Variants in MYT1 observed in about 807,000 individuals in gnomAD.
The protein encoded by MYT1 is myelin transcription factor 1.
In MYT1, 23 loss-of-function variants were observed where a neutral mutation model predicts 123.0. The observed-to-expected ratio is 0.19, with a 90% confidence interval of 0.13 to 0.26. The LOEUF (loss-of-function observed/expected upper bound fraction) is 0.26. MYT1 is among the 10% of genes least tolerant of loss of function. MYT1 has a pLI of 1.00. For synonymous variants in MYT1, 518 were observed against 575.3 expected, an observed-to-expected ratio of 0.90 and a Z score of 1.43; for missense variants, 1,125 against 1,472.5, an observed-to-expected ratio of 0.76 and a Z score of 3.86.
Position 64,205,585 on chromosome 20 carries a change from A to G in MYT1, c.182A>G (p.Lys61Arg). The change falls in exon 6 of 23, where the codon AAG (lysine) becomes AGG (arginine). Residue 61 changes from lysine to arginine, a missense_variant. Coordinates refer to ENST00000328439, the MANE Select transcript of MYT1 (RefSeq NM_004535.3). ...AGCTGCCCCCTGGCCAAGAAGAGGA[A>G]GCTGGAGGGCGCTGAGGCTGAGCAC... ...LQSCPLAKKRKLEGAEAEHLV... is the reference protein window; with the variant it reads ...LQSCPLAKKRRLEGAEAEHLV... 6.2e-7 allele frequency: 1 copy of G among 1,614,072 alleles called. No individual in the cohort carries two copies. The highest frequency in any genetic ancestry group is 8.5e-7 in the Non-Finnish European group (1 of 1,180,014).
rs367937807 is a variant in MYT1, at chr20:64,240,484, A to G, written c.*36A>G. The G allele has an allele frequency of 8.7e-6, 14 of 1,600,740 alleles. No individual in the cohort carries two copies. The African/African-American group carries it at 1.3e-4, about 15-fold the overall frequency. The stretch of plus-strand genomic sequence containing the variant: ...ACCCAGAAGTGTCCCAGCCCACCAC[A>G]CCGTTTACCTCCCTCGCCCTGCCCC... On this transcript the variant is annotated 3_prime_UTR_variant, in exon 23 of 23. Transcript: ENST00000328439.
rs1246829468 is a variant in MYT1, at chr20:64,168,083, C to T, written c.-99+3344C>T. On this transcript the variant is annotated intron_variant, in intron 1 of 22. Coordinates refer to ENST00000328439, the MANE Select transcript of MYT1 (RefSeq NM_004535.3). This position sits in a 1 kb window ranked among gnomAD's most constrained non-coding sequence, Gnocchi z 6.1. Reference sequence around the variant, plus strand: ...GCCTGGGGGGTGGAATGTGCTTTCACGGCCTCTTGAGGTTCCCGGCATTTT... The same window carrying T: ...GCCTGGGGGGTGGAATGTGCTTTCATGGCCTCTTGAGGTTCCCGGCATTTT... Among the ~76,000 whole-genome samples, 2 of 152,226 alleles carry T rather than the reference C, an allele frequency of 1.3e-5. No homozygotes were observed. The highest frequency in any genetic ancestry group is 2.9e-5 in the Non-Finnish European group (2 of 68,048).
At chr20:64,201,647 A>G (rs930280899) in intron 4 of MYT1, among the ~76,000 whole-genome samples, 6 of 152,324 alleles carry the variant, frequency 3.9e-5, no homozygotes, top group Admixed American at 3.9e-4. Context: ...TCGTGGGAGC[A>G]TTTACACCAC....
chr20:64,177,023 T>C (rs902923749), intron 1 of MYT1, among the ~76,000 whole-genome samples: 4 of 152,242 alleles, frequency 2.6e-5, no homozygotes, highest in Non-Finnish European at 4.4e-5. Context: ...ACATGCTATT[T>C]GCATTTTTAA....
intron 13 of MYT1, among the ~76,000 whole-genome samples, chr20:64,221,094 G>C (rs181737717): frequency 1.3e-5 from 2 of 152,302 alleles, no homozygotes; most frequent in Admixed American, 6.5e-5. Flanking sequence ...TGGGCTTCAC[G>C]GGCATTTCCT....
intron 1 of MYT1, among the ~76,000 whole-genome samples, chr20:64,183,961 C>G (rs538881718): frequency 6.6e-6 from 1 of 152,096 alleles, no homozygotes; most frequent in African/African-American, 2.4e-5. Flanking sequence ...GCTGGGATTA[C>G]AGACACGCAC....
chr20:64,240,431 A>T lies in MYT1; in HGVS notation c.3349A>T (p.Arg1117Trp). 2 of 1,613,276 alleles carry T rather than the reference A, an allele frequency of 1.2e-6. No individual in the cohort carries two copies. Among genetic ancestry groups the T allele is most frequent in the South Asian group, 1.1e-5 (1 of 91,056 alleles). Reference sequence around the variant, plus strand: ...CCTGGAGAGCATCAAGCAGGCTGTGAGGGGCATCCAGGTCTAGGCCGTGTG... The same window carrying T: ...CCTGGAGAGCATCAAGCAGGCTGTGTGGGGCATCCAGGTCTAGGCCGTGTG... The part of the protein sequence containing the change: ...DLLESIKQAV[R>W]GIQV Residue 1117 changes from arginine (R) to tryptophan (W), a missense_variant, in exon 23 of 23, where the codon AGG becomes TGG. Arg to Trp is a moderately radical substitution (Grantham distance 101). Around this residue, in one of 4 missense-constraint regions of MYT1, gnomAD observed 243 missense variants for 323.1 expected, o/e 0.75. Coordinates refer to ENST00000328439, the MANE Select transcript of MYT1 (RefSeq NM_004535.3).
In MYT1 at chr20:64,198,923, G is replaced by A; in HGVS notation, c.55+7G>A. 1.2e-6 allele frequency: 2 copies of A among 1,613,892 alleles called. No individual in the cohort carries two copies. The highest frequency in any genetic ancestry group is 1.7e-6 in the Non-Finnish European group (2 of 1,179,792). Reference sequence around the variant, plus strand: ...CGATCCAAGGCCCTGCGAGGTGAGTGCCGCCCTCCCCTCCTCCAGGGCTGT... The same window carrying A: ...CGATCCAAGGCCCTGCGAGGTGAGTACCGCCCTCCCCTCCTCCAGGGCTGT... On this transcript the variant is annotated splice_region_variant and intron_variant, in intron 3 of 22. Coordinates refer to ENST00000328439, the MANE Select transcript of MYT1 (RefSeq NM_004535.3).
At position 64,212,248 on chromosome 20, in the gene MYT1, T is replaced by TG. The variant is rs1240643162; in HGVS notation, c.1517+115dup. ...GTGGGGGCCGTGGTGGGGGCCAGGG[T>TG]GGGGGCCGTGGTGGGGGGCTCCACG... On this transcript the variant is annotated intron_variant, in intron 9 of 22. Coordinates refer to ENST00000328439, the MANE Select transcript of MYT1 (RefSeq NM_004535.3). The surrounding 1 kb of genome is among the most constrained non-coding windows in gnomAD (Gnocchi z 6.8). 1.8e-4 allele frequency: 3 copies of TG among 16,382 alleles called. 1 individual carries two copies. The highest frequency in any genetic ancestry group is 8.7e-4 in the South Asian group (1 of 1,154). The allele number at this position is 16,382 out of a possible 1,614,324, so 1.0% of individuals were successfully genotyped here. A position where few individuals can be genotyped will look rare whatever the true frequency, so the allele number is the denominator to read the frequency against.
chr20:64,227,852 G>A, intron 17 of MYT1, 36 bp from the exon 18 acceptor site: 1 of 1,588,702 alleles, frequency 6.3e-7, no homozygotes, highest in Non-Finnish European at 8.6e-7. Context: ...TGCGGTTCCA[G>A]CACTAAGGTG....
intron 1 of MYT1, among the ~76,000 whole-genome samples, chr20:64,170,045 G>A (rs1982203307): frequency 6.6e-6 from 1 of 150,418 alleles, no homozygotes; most frequent in Admixed American, 6.6e-5. Flanking sequence ...CACTGCCCTC[G>A]TGTCTCTTCC....
intron 2 of MYT1, among the ~76,000 whole-genome samples, chr20:64,195,281 T>A (rs1983077249): frequency 6.6e-6 from 1 of 151,874 alleles, no homozygotes; most frequent in African/African-American, 2.4e-5. Flanking sequence ...CTCAGGGCAC[T>A]CTGTTTTGGC....
Position 64,202,016 on chromosome 20 carries a change from CT to C in MYT1, c.86+2095del, listed in dbSNP as rs11086138. 0.016 allele frequency among the ~76,000 whole-genome samples: 859 copies of C among 54,144 alleles called. 13 individuals are homozygous for C. The highest frequency in any genetic ancestry group is 0.034 in the South Asian group (56 of 1,644). 35.5% of individuals were successfully genotyped at this position (54,144 alleles called of 152,430 possible). On this transcript the variant is annotated intron_variant, in intron 4 of 22. Coordinates refer to ENST00000328439, the MANE Select transcript of MYT1 (RefSeq NM_004535.3). This position sits in a 1 kb window ranked among gnomAD's most constrained non-coding sequence, Gnocchi z 5.0. ...GGGAACCCCCGCGTGTCGGGAACCC[CT>C]CGCGTGTCGGGAACCCCCGCGTGTC...
intron 1 of MYT1, among the ~76,000 whole-genome samples, chr20:64,176,223 G>T (rs6011318): frequency 0.017 from 24 of 1,398 alleles, 2 homozygotes; most frequent in African/African-American, 0.051. Context: ...CCTCCCTGGC[G>T]TCTCCTCCTG....
chr20:64,196,718 T>G lies in MYT1; in HGVS notation c.1-2144T>G, dbSNP rs1983133545. Among the ~76,000 whole-genome samples the G allele has an allele frequency of 6.6e-6, 1 of 151,900 alleles. No individual in the cohort carries two copies. The highest frequency in any genetic ancestry group is 2.4e-5 in the African/African-American group (1 of 41,160). ...CTCAGCAGAAGGAGCGGCAGAGCTG[T>G]CAGCTTCATCAACGGGAGCTCACAG... On this transcript the variant is annotated intron_variant, in intron 2 of 22. Transcript: ENST00000328439. The surrounding 1 kb of genome is among the most constrained non-coding windows in gnomAD (Gnocchi z 4.3).
intron 1 of MYT1, among the ~76,000 whole-genome samples, chr20:64,181,113 G>T (rs1201936254): frequency 6.6e-6 from 1 of 152,086 alleles, no homozygotes; most frequent in Non-Finnish European, 1.5e-5. Context: ...TATCGGTTTT[G>T]TTTGTGACTT....
intron 10 of MYT1, among the ~76,000 whole-genome samples, chr20:64,216,363 C>T (rs539163642): frequency 3.7e-4 from 57 of 152,362 alleles, no homozygotes; most frequent in African/African-American, 1.3e-3. Context: ...CCAGTTTCTT[C>T]GTGCCATCTT....
chr20:64,209,514 C>T (rs912238), intron 7 of MYT1, among the ~76,000 whole-genome samples: 24,745 of 152,192 alleles, frequency 0.16, 2,942 homozygotes, highest in African/African-American at 0.33. Context: ...TCCAGGTGGA[C>T]GGGGGCAGTG....
Position 64,240,847 on chromosome 20 carries a change from G to A in MYT1, c.*399G>A. 5.5e-6 allele frequency: 1 copy of A among 183,256 alleles called. No individual in the cohort carries two copies. The highest frequency in any genetic ancestry group is 1.4e-4 in the South Asian group (1 of 7,140). The allele number at this position is 183,256 out of a possible 1,614,324, so 11.4% of individuals were successfully genotyped here. ...TGAGCGTGGTGGGTGGGTGGTGTGAGTGGCATCTTGGCCTGGAGGACACGC... is the reference window on the plus strand; with the variant it reads ...TGAGCGTGGTGGGTGGGTGGTGTGAATGGCATCTTGGCCTGGAGGACACGC... On this transcript the variant is annotated 3_prime_UTR_variant, in exon 23 of 23. Coordinates refer to ENST00000328439, the MANE Select transcript of MYT1 (RefSeq NM_004535.3).
Sources: gnomAD v4.1 joint callset for allele counts (sites outside exome capture counted in the v4.1 genomes callset) on GRCh38, gnomAD v4.1.1 for gene constraint, gnomAD v4.1.1 regional missense constraint, Gnocchi (gnomAD v3.1) non-coding constraint, MANE v1.5 for transcripts, NCBI Gene and HGNC (gene_info 2026-07-23, HGNC 2026-07-21) for gene names.